ATRN: variants seen among roughly 807,000 people sequenced by gnomAD.
ATRN encodes attractin.
A neutral mutation model predicts 178.7 loss-of-function variants in ATRN; 54 were observed. The observed-to-expected ratio is 0.30, with a 90% CI of 0.24 to 0.38. The LOEUF (loss-of-function observed/expected upper bound fraction) is 0.38, where lower values mean the gene tolerates loss of function less well. ATRN is among the 10% of genes least tolerant of loss of function. The pLI, the probability that ATRN is intolerant of heterozygous loss-of-function variation, is 1.00. For missense variants in ATRN, 1,443 were observed against 1,815.1 expected, an observed-to-expected ratio of 0.79 and a Z score of 3.73; for synonymous variants, 636 against 663.0, an observed-to-expected ratio of 0.96 and a Z score of 0.63.
chr20:3,490,587 G>T (rs1418182730), intron 1 of ATRN: 23 of 1,057,776 alleles, frequency 2.2e-5, no homozygotes, highest in Non-Finnish European at 3.4e-5. Context: ...TGAGGTAACA[G>T]TCACGGAGAT....
intron 27 of ATRN, among the ~76,000 whole-genome samples, chr20:3,639,340 C>T (rs1038654249): frequency 9.2e-5 from 14 of 152,092 alleles, no homozygotes; most frequent in Admixed American, 9.2e-4. Flanking sequence ...CTGCAATCTA[C>T]CTCCCGGGTT....
At position 3,577,015 on chromosome 20, in the gene ATRN, A is replaced by C; in HGVS notation, c.2353+18A>C. ...CCTGCCCGGTAGGCCTTGCAGGGTCATCTTGGTGTGTGTGGGTCCATTACT... is the reference window on the plus strand; with the variant it reads ...CCTGCCCGGTAGGCCTTGCAGGGTCCTCTTGGTGTGTGTGGGTCCATTACT... On this transcript the variant is annotated intron_variant, in intron 14 of 28. Coordinates refer to ENST00000262919, the MANE Select transcript of ATRN (RefSeq NM_139321.3). 6.2e-7 allele frequency: 1 copy of C among 1,613,182 alleles called. No individual in the cohort carries two copies. The highest frequency in any genetic ancestry group is 8.5e-7 in the Non-Finnish European group (1 of 1,179,744).
At chr20:3,584,166 T>C in intron 17 of ATRN, 83 bp downstream of exon 17, 1 of 1,430,420 alleles carries the variant, frequency 7.0e-7, no homozygotes, top group Non-Finnish European at 9.6e-7. Context: ...GCTGTCAGCC[T>C]CTGAACATTT....
intron 1 of ATRN, among the ~76,000 whole-genome samples, chr20:3,475,512 C>G (rs80148812): frequency 0.013 from 2,000 of 152,172 alleles, 42 homozygotes; most frequent in African/African-American, 0.046. Context: ...ATAAAAATAC[C>G]TATAGAATCT....
At chr20:3,498,078 C>G (rs2084906179) in intron 1 of ATRN, among the ~76,000 whole-genome samples, 1 of 152,156 alleles carries the variant, frequency 6.6e-6, no homozygotes, top group Non-Finnish European at 1.5e-5. Context: ...ACTAGAAAAT[C>G]TAGAACAAAT....
intron 1 of ATRN, among the ~76,000 whole-genome samples, chr20:3,484,766 G>GTTA (rs2308142): frequency 0.32 from 47,944 of 151,630 alleles, 8,105 homozygotes; most frequent in Non-Finnish European, 0.35. Flanking sequence ...TATATTTCCA[G>GTTA]TTTAGGTCTC....
At chr20:3,502,180 C>T (rs1007218223) in intron 1 of ATRN, among the ~76,000 whole-genome samples, 6 of 151,552 alleles carry the variant, frequency 4.0e-5, no homozygotes, top group Non-Finnish European at 8.8e-5. Flanking sequence ...GTCTGGAATT[C>T]AATTAAAAAA....
At chr20:3,525,479 G>T (rs563439405) in intron 1 of ATRN, among the ~76,000 whole-genome samples, 1 of 152,266 alleles carries the variant, frequency 6.6e-6, no homozygotes, top group Non-Finnish European at 1.5e-5. Context: ...GTACAAAGAG[G>T]AGCTGGTACC....
intron 27 of ATRN, among the ~76,000 whole-genome samples, chr20:3,641,942 A>G (rs2087072457): frequency 6.6e-6 from 1 of 152,232 alleles, no homozygotes; most frequent in Non-Finnish European, 1.5e-5. Flanking sequence ...AATCTAAACA[A>G]ACATTATCCT....
At chr20:3,611,215 C>G (rs940010290) in intron 24 of ATRN, among the ~76,000 whole-genome samples, 5 of 152,150 alleles carry the variant, frequency 3.3e-5, no homozygotes, top group Admixed American at 1.3e-4. Flanking sequence ...AAAGTTTTTG[C>G]TCTGTGAGAA....
At chr20:3,578,486 A>G in intron 14 of ATRN, 96 bp from the exon 15 acceptor site, 1 of 1,126,916 alleles carries the variant, frequency 8.9e-7, no homozygotes, top group Non-Finnish European at 1.2e-6. Flanking sequence ...TTTAAATTAG[A>G]AAGGCCATTT....
chr20:3,611,848 A>T (rs1229876585), intron 24 of ATRN, among the ~76,000 whole-genome samples: 1 of 152,190 alleles, frequency 6.6e-6, no homozygotes, highest in Non-Finnish European at 1.5e-5. Flanking sequence ...ATAACACCAA[A>T]TGTTGGAGAG....
chr20:3,586,438 TGAGGTTTTCTA>T (rs1282935320), intron 18 of ATRN, among the ~76,000 whole-genome samples: 1 of 151,518 alleles, frequency 6.6e-6, no homozygotes, highest in African/African-American at 2.4e-5. Flanking sequence ...ATAATAGGCA[TGAGGTTTTCTA>T]GAGTAGCTGC....
chr20:3,649,238 T>G lies in ATRN; in HGVS notation c.*2391T>G, dbSNP rs1282918307. 6.6e-6 allele frequency: 1 copy of G among 152,556 alleles called. No homozygotes were observed. The highest frequency in any genetic ancestry group is 2.4e-5 in the African/African-American group (1 of 41,410). The allele number at this position is 152,556 out of a possible 1,614,324, so 9.5% of individuals were successfully genotyped here. On this transcript the variant is annotated 3_prime_UTR_variant, in exon 29 of 29. Transcript: ENST00000262919. ...GGAATTGGTTGTCATCTGGCAGTGT[T>G]GCGCGTCACAAGAGAGCCTGTATAT... is the stretch of plus-strand genomic sequence containing the variant.
chr20:3,567,529 A>T (rs2086053416), intron 11 of ATRN, among the ~76,000 whole-genome samples: 1 of 152,148 alleles, frequency 6.6e-6, no homozygotes, highest in Admixed American at 6.5e-5. Flanking sequence ...CCTGATATGT[A>T]AGTATCTGTG....
chr20:3,623,694 C>T (rs567067902), intron 24 of ATRN, among the ~76,000 whole-genome samples: 8 of 152,214 alleles, frequency 5.3e-5, no homozygotes, highest in African/African-American at 1.9e-4. Flanking sequence ...AAGCAGGCAG[C>T]GCACCACAAC....
chr20:3,512,113 T>A (rs1212086016), intron 1 of ATRN, among the ~76,000 whole-genome samples: 14 of 131,808 alleles, frequency 1.1e-4, no homozygotes, highest in East Asian at 4.0e-4. Flanking sequence ...ATATATTTTT[T>A]TTTTTTATTA....
intron 2 of ATRN, among the ~76,000 whole-genome samples, chr20:3,536,851 A>T (rs753850782): frequency 6.6e-6 from 1 of 152,196 alleles, no homozygotes; most frequent in Non-Finnish European, 1.5e-5. Context: ...ACAGTATTTT[A>T]AAATTATTGT....
chr20:3,471,613 GAA>G (rs2084424651), intron 1 of ATRN, 96 bp downstream of exon 1: 1 of 1,339,450 alleles, frequency 7.5e-7, no homozygotes, highest in Admixed American at 4.1e-5. Flanking sequence ...ATGCTGGACA[GAA>G]AGTGGAGAGG....
Sources: allele counts gnomAD v4.1 joint callset (sites outside exome capture counted in the v4.1 genomes callset), GRCh38; gene constraint gnomAD v4.1.1; transcripts MANE v1.5; gene names NCBI Gene and HGNC (gene_info 2026-07-23, HGNC 2026-07-21).